The following ANK1 variants were observed in gnomAD, a reference collection of about 807,000 sequenced individuals.
ANK1 encodes ankyrin 1, also known as ankyrin-1.
In ANK1, 51 loss-of-function variants were observed where a neutral mutation model predicts 210.4. That is an observed-to-expected ratio of 0.24 (90% CI 0.19 to 0.31). The LOEUF is 0.31. Ranked by LOEUF, ANK1 falls within the 10% of genes least tolerant of loss-of-function variation. The pLI is 1.00. For missense variants in ANK1, 2,051 were observed against 2,504.4 expected (o/e 0.82, Z 3.86); for synonymous variants, 967 against 1,025.9 (o/e 0.94, Z 1.10).
intron 1 of ANK1, among the ~76,000 whole-genome samples, chr8:41,893,437 G>A (rs146022539): frequency 6.6e-5 from 10 of 152,234 alleles, no homozygotes; most frequent in African/African-American, 2.4e-4. Flanking sequence ...CCTGCGTCGA[G>A]GTGGCTTCTA....
intron 23 of ANK1, among the ~76,000 whole-genome samples, chr8:41,698,972 T>C (rs764693674): frequency 9.2e-5 from 14 of 151,952 alleles, no homozygotes; most frequent in Non-Finnish European, 2.1e-4. Flanking sequence ...ATTTTTTTTG[T>C]ATTTTTAGTA....
chr8:41,775,776 A>C (rs1268231327), intron 1 of ANK1, among the ~76,000 whole-genome samples: 1 of 152,068 alleles, frequency 6.6e-6, no homozygotes, highest in East Asian at 1.9e-4. Context: ...AGTCCCAGCT[A>C]CCCGGGAGGC....
intron 2 of ANK1, among the ~76,000 whole-genome samples, chr8:41,756,948 T>C (rs1473888214): frequency 6.6e-6 from 1 of 152,118 alleles, no homozygotes; most frequent in East Asian, 1.9e-4. Flanking sequence ...AAAGTACAAA[T>C]ATAGCAGGAT....
intron 1 of ANK1, among the ~76,000 whole-genome samples, chr8:41,795,794 G>A (rs781446070): frequency 2.0e-5 from 3 of 152,212 alleles, no homozygotes; most frequent in South Asian, 4.2e-4. Flanking sequence ...TTGGTTATGC[G>A]TACAAACATA....
chr8:41,854,898 T>C (rs1811907519), intron 1 of ANK1, among the ~76,000 whole-genome samples: 1 of 150,554 alleles, frequency 6.6e-6, no homozygotes, highest in Non-Finnish European at 1.5e-5. Context: ...CAGTGAGCTA[T>C]AATTGCATCA....
chr8:41,774,466 C>G (rs1232693334), intron 1 of ANK1, among the ~76,000 whole-genome samples: 1 of 152,176 alleles, frequency 6.6e-6, no homozygotes, highest in Non-Finnish European at 1.5e-5. Context: ...GACCACTGTC[C>G]TCTTCTGGGC....
chr8:41,749,770 G>A (rs555559514), intron 2 of ANK1, among the ~76,000 whole-genome samples: 3 of 151,934 alleles, frequency 2.0e-5, no homozygotes, highest in South Asian at 2.1e-4. Context: ...GCGCCACAAC[G>A]CTTGGCTAAT....
intron 1 of ANK1, among the ~76,000 whole-genome samples, chr8:41,891,024 G>A (rs560275102): frequency 6.6e-6 from 1 of 152,218 alleles, no homozygotes; most frequent in Non-Finnish European, 1.5e-5. Context: ...GTGCATGTGT[G>A]TATGCGTGGA....
chr8:41,675,914 A>C (rs1448959715), intron 37 of ANK1, among the ~76,000 whole-genome samples: 1 of 152,150 alleles, frequency 6.6e-6, no homozygotes, highest in Non-Finnish European at 1.5e-5. Flanking sequence ...AACGTAGTCA[A>C]TTTGGGTTTC....
chr8:41,686,322 C>A, intron 35 of ANK1, 39 bp from the exon 36 acceptor site: 1 of 1,612,158 alleles, frequency 6.2e-7, no homozygotes, highest in Non-Finnish European at 8.5e-7. Flanking sequence ...GAGCCTCCAG[C>A]TCACCAACAG....
At chr8:41,689,938 C>A (rs560935463) in intron 33 of ANK1, among the ~76,000 whole-genome samples, 135 of 152,284 alleles carry the variant, frequency 8.9e-4, no homozygotes, top group African/African-American at 3.2e-3. Context: ...CCTAGGGAGC[C>A]CAGGGTCCAC....
Position 41,692,800 on chromosome 8 carries a change from C to A in ANK1, c.3706G>T (p.Val1236Leu), listed in dbSNP as rs1414036623. The A allele has an allele frequency of 3.1e-6, 5 of 1,614,086 alleles. No homozygotes were observed. The highest frequency in any genetic ancestry group is 4.2e-6 in the Non-Finnish European group (5 of 1,180,054). The change falls in exon 31 of 43, where the codon GTG (valine) becomes TTG (leucine). Residue 1236 changes from valine (V) to leucine (L), a missense_variant. Coordinates refer to ENST00000289734, the MANE Select transcript of ANK1 (RefSeq NM_000037.4). ...ATLLYKELTA[V>L]PYMAKFVIFA... ...ATGACGAATTTGGCCATGTAGGGCACTGCAGTGAGCTCTTTGTACAGCAGG... is the reference window on the plus strand; with the variant it reads ...ATGACGAATTTGGCCATGTAGGGCAATGCAGTGAGCTCTTTGTACAGCAGG...
intron 1 of ANK1, among the ~76,000 whole-genome samples, chr8:41,882,822 G>A (rs150684232): frequency 1.5e-3 from 236 of 152,266 alleles, no homozygotes; most frequent in African/African-American, 5.2e-3. Context: ...GGGCCTCCAC[G>A]CTCCTACAAG....
chr8:41,886,948 G>C (rs1818546050), intron 1 of ANK1, among the ~76,000 whole-genome samples: 1 of 152,148 alleles, frequency 6.6e-6, no homozygotes, highest in Non-Finnish European at 1.5e-5. Context: ...GTTTACAATG[G>C]AAGTCTTCAT....
chr8:41,655,788 A>T, intron 42 of ANK1, 35 bp from the exon 43 acceptor site: 1 of 1,611,938 alleles, frequency 6.2e-7, no homozygotes, highest in Non-Finnish European at 8.5e-7. Context: ...GTCACTTAGA[A>T]TGCAAAAGTG....
In ANK1 at chr8:41,704,596, A is replaced by C; in HGVS notation, c.2098-124T>G. 1.2e-6 allele frequency: 1 copy of C among 830,516 alleles called. No individual in the cohort carries two copies. Among genetic ancestry groups the C allele is most frequent in the Non-Finnish European group, 2.0e-6 (1 of 492,806 alleles). 51.4% of individuals were successfully genotyped at this position (830,516 alleles called of 1,614,324 possible). On this transcript the variant is annotated intron_variant, in intron 18 of 42. Transcript: ENST00000289734. This position sits in a 1 kb window ranked among gnomAD's most constrained non-coding sequence, Gnocchi z 4.1. ...GAGCCCCTTGAAGGCTGACATTGAC[A>C]AGCTGAATGGCTGCTGCTGGGCAGA...
intron 1 of ANK1, among the ~76,000 whole-genome samples, chr8:41,837,347 C>T (rs368711813): frequency 1.3e-4 from 20 of 152,228 alleles, no homozygotes; most frequent in African/African-American, 4.6e-4. Flanking sequence ...CTTTTCATAA[C>T]GAAAGATGGT....
chr8:41,889,395 G>C (rs557741725), intron 1 of ANK1, among the ~76,000 whole-genome samples: 1 of 152,174 alleles, frequency 6.6e-6, no homozygotes, highest in Non-Finnish European at 1.5e-5. Context: ...CCTTGATAAA[G>C]AAAGAAGTTT....
chr8:41,718,072 G>A, intron 11 of ANK1, 34 bp downstream of exon 11: 2 of 1,603,616 alleles, frequency 1.2e-6, no homozygotes, highest in Non-Finnish European at 1.7e-6. Context: ...GAGACCACAG[G>A]CCTGCCCCCA....
Sources: allele counts gnomAD v4.1 joint callset (sites outside exome capture counted in the v4.1 genomes callset), GRCh38; gene constraint gnomAD v4.1.1; non-coding constraint Gnocchi (gnomAD v3.1); transcripts MANE v1.5; gene names NCBI Gene and HGNC (gene_info 2026-07-23, HGNC 2026-07-21).